The following LPP variants were observed in gnomAD, a reference collection of about 807,000 sequenced individuals.
The protein encoded by LPP is lipoma-preferred partner.
Under a neutral mutation model 60.4 loss-of-function variants are expected in LPP, and 38 were observed. The ratio of observed to expected loss-of-function variants is 0.63; its 90% CI spans 0.49 to 0.83. LPP has a LOEUF of 0.83. LPP is among the 40% of genes least tolerant of loss of function. The pLI is 0.00. For missense variants in LPP, 902 were observed against 783.6 expected (o/e 1.15, Z -1.80); for synonymous variants, 328 against 290.8 (o/e 1.13, Z -1.30).
intron 1 of LPP, among the ~76,000 whole-genome samples, chr3:188,203,062 T>G (rs1731529449): frequency 1.4e-5 from 2 of 144,604 alleles, no homozygotes; most frequent in South Asian, 4.2e-4. Flanking sequence ...ATAAAAATAT[T>G]TATTATAATT....
chr3:188,197,821 C>T (rs868360789), intron 1 of LPP, among the ~76,000 whole-genome samples: 5 of 152,132 alleles, frequency 3.3e-5, no homozygotes, highest in Admixed American at 1.3e-4. Context: ...GGTGCAACCC[C>T]GTTATGTCTG....
intron 2 of LPP, among the ~76,000 whole-genome samples, chr3:188,250,913 T>C (rs1729258725): frequency 9.7e-6 from 1 of 103,284 alleles, no homozygotes; most frequent in Non-Finnish European, 2.0e-5. Flanking sequence ...TTCCCCTCCC[T>C]TCCTTCCTCC....
intron 3 of LPP, among the ~76,000 whole-genome samples, chr3:188,357,980 G>T (rs1441745139): frequency 6.6e-6 from 1 of 152,122 alleles, no homozygotes; most frequent in Middle Eastern, 3.2e-3. Flanking sequence ...ATTATGAATG[G>T]ATGAGCAATT....
At chr3:188,240,266 G>A (rs1215403515) in intron 2 of LPP, 1 of 171,384 alleles carries the variant, frequency 5.8e-6, no homozygotes, top group Admixed American at 6.4e-5. Context: ...GTAGTGAGGG[G>A]GAACATGGGT....
At chr3:188,590,376 C>A (rs1838417511) in intron 6 of LPP, among the ~76,000 whole-genome samples, 5 of 152,078 alleles carry the variant, frequency 3.3e-5, no homozygotes, top group Admixed American at 3.3e-4. Context: ...AGTTTGCGAC[C>A]AGCCTGGCCA....
rs187834072 is a variant in LPP, at chr3:188,644,174, A to G, written c.1113+34330A>G. 2.7e-3 allele frequency among the ~76,000 whole-genome samples: 415 copies of G among 152,330 alleles called. 5 individuals carry two copies. The highest frequency in any genetic ancestry group is 9.5e-3 in the African/African-American group (396 of 41,580). On this transcript the variant is annotated intron_variant, in intron 7 of 11. Transcript: ENST00000617246. Reference sequence around the variant, plus strand: ...GGATCTGAGCTAGACTTTCATAAATAGAGATGATTTGGATAGAAGAACAAT... The same window carrying G: ...GGATCTGAGCTAGACTTTCATAAATGGAGATGATTTGGATAGAAGAACAAT...
At position 188,562,847 on chromosome 3, in the gene LPP, T is replaced by C. The variant is rs1831058741; in HGVS notation, c.429+38060T>C. Reference sequence around the variant, plus strand: ...AGTGAAAGGAAATAGGATAAAACAATGTTGTTCAAAGGGAGAAGTTGAAAA... The same window carrying C: ...AGTGAAAGGAAATAGGATAAAACAACGTTGTTCAAAGGGAGAAGTTGAAAA... On this transcript the variant is annotated intron_variant, in intron 6 of 11. Coordinates refer to ENST00000617246, the MANE Select transcript of LPP (RefSeq NM_001375462.1). 2.6e-5 allele frequency among the ~76,000 whole-genome samples: 4 copies of C among 152,048 alleles called. No individual in the cohort carries two copies. In the South Asian group the frequency reaches 8.3e-4, roughly 31 times the overall value.
intron 4 of LPP, among the ~76,000 whole-genome samples, chr3:188,437,616 A>C (rs1250665040): frequency 1.3e-5 from 2 of 152,344 alleles, no homozygotes; most frequent in East Asian, 3.9e-4. Context: ...AAAGATAGAC[A>C]TAATTTTGCA....
chr3:188,358,919 T>G (rs958636575), intron 3 of LPP, among the ~76,000 whole-genome samples: 1 of 152,214 alleles, frequency 6.6e-6, no homozygotes, highest in Non-Finnish European at 1.5e-5. Flanking sequence ...TGGAAAATGC[T>G]GCACCCTCTG....
intron 7 of LPP, among the ~76,000 whole-genome samples, chr3:188,625,353 T>A (rs1016811695): frequency 6.6e-6 from 1 of 152,174 alleles, no homozygotes; most frequent in Admixed American, 6.5e-5. Flanking sequence ...AAACCTCTGG[T>A]ATTGGGATAT....
At chr3:188,728,342 T>C (rs1303693461) in intron 8 of LPP, among the ~76,000 whole-genome samples, 1 of 152,218 alleles carries the variant, frequency 6.6e-6, no homozygotes, top group East Asian at 1.9e-4. Flanking sequence ...ATGTCACTTA[T>C]AACTATCTGC....
chr3:188,591,823 C>G (rs1351191095), intron 6 of LPP, among the ~76,000 whole-genome samples: 1 of 152,106 alleles, frequency 6.6e-6, no homozygotes, highest in Non-Finnish European at 1.5e-5. Context: ...TATTTAATCT[C>G]TAATATCAAT....
intron 4 of LPP, among the ~76,000 whole-genome samples, chr3:188,424,771 T>A (rs1578793651): frequency 6.6e-6 from 1 of 152,296 alleles, no homozygotes; most frequent in Admixed American, 6.5e-5. Flanking sequence ...ATAGGAATGC[T>A]TGTGATTTTT....
At chr3:188,420,651 C>T (rs558819595) in intron 4 of LPP, among the ~76,000 whole-genome samples, 1 of 152,086 alleles carries the variant, frequency 6.6e-6, no homozygotes, top group Non-Finnish European at 1.5e-5. Context: ...CCATCAGACC[C>T]TCGAAGAGAT....
rs1175350866 is a variant in LPP at position 188,277,051 on chromosome 3, G to A, written c.-67+51524G>A. ...CCTGAGTGGCTGGACTTATAGGCACGTACCACCATGCTCAGCTAATTTTTG... is the reference window on the plus strand; with the variant it reads ...CCTGAGTGGCTGGACTTATAGGCACATACCACCATGCTCAGCTAATTTTTG... On this transcript the variant is annotated intron_variant, in intron 2 of 11. Coordinates refer to ENST00000617246, the MANE Select transcript of LPP (RefSeq NM_001375462.1). 8.6e-5 allele frequency among the ~76,000 whole-genome samples: 13 copies of A among 151,532 alleles called. 1 individual carries two copies. The East Asian group carries it at 1.2e-3, about 14-fold the overall frequency.
intron 1 of LPP, among the ~76,000 whole-genome samples, chr3:188,196,937 TA>T (rs1490614714): frequency 6.6e-5 from 10 of 152,316 alleles, no homozygotes; most frequent in African/African-American, 2.4e-4. Flanking sequence ...CTGCCTGGAA[TA>T]CTCCTCTGAC....
intron 5 of LPP, among the ~76,000 whole-genome samples, chr3:188,509,039 CT>C (rs753068340): frequency 6.6e-5 from 10 of 152,164 alleles, no homozygotes; most frequent in Non-Finnish European, 1.5e-4. Context: ...ATCGAAGGTG[CT>C]TCTGTCCTCA....
intron 6 of LPP, among the ~76,000 whole-genome samples, chr3:188,557,421 T>G (rs984552952): frequency 3.3e-5 from 5 of 152,076 alleles, no homozygotes; most frequent in Admixed American, 6.6e-5. Context: ...AGGAACTGTG[T>G]CCATGGACAG....
At chr3:188,539,688 G>A (rs1308636265) in intron 6 of LPP, among the ~76,000 whole-genome samples, 2 of 152,084 alleles carry the variant, frequency 1.3e-5, no homozygotes, top group Non-Finnish European at 2.9e-5. Flanking sequence ...AGGACCACAA[G>A]GAATAATAAG....
Sources: allele counts gnomAD v4.1 joint callset (sites outside exome capture counted in the v4.1 genomes callset), GRCh38; gene constraint gnomAD v4.1.1; transcripts MANE v1.5; gene names NCBI Gene and HGNC (gene_info 2026-07-23, HGNC 2026-07-21).